The following BANK1 variants were observed in gnomAD, a reference collection of about 807,000 sequenced individuals.
The protein encoded by BANK1 is B-cell scaffold protein with ankyrin repeats.
In BANK1, 95 loss-of-function variants were observed where a neutral mutation model predicts 94.5. That is an observed-to-expected ratio of 1.00 (90% CI 0.85 to 1.19). BANK1 has a LOEUF of 1.19. BANK1 is among the 50% of genes most tolerant of loss of function. The probability of loss-of-function intolerance (pLI) is 0.00; values close to 1 mark genes in which losing one functional copy is unlikely to be tolerated. For synonymous variants in BANK1, 334 were observed against 308.4 expected (o/e 1.08, Z -0.87); for missense variants, 987 against 932.2 (o/e 1.06, Z -0.77).
At chr4:101,893,719 A>C (rs1238224595) in intron 5 of BANK1, among the ~76,000 whole-genome samples, 1 of 152,060 alleles carries the variant, frequency 6.6e-6, no homozygotes, top group Non-Finnish European at 1.5e-5. Flanking sequence ...GATAGGTTCC[A>C]CTGAATATAA....
chr4:101,874,274 G>A (rs1215051428), intron 5 of BANK1, among the ~76,000 whole-genome samples: 1 of 152,094 alleles, frequency 6.6e-6, no homozygotes, highest in African/African-American at 2.4e-5. Context: ...TACGGACTTA[G>A]GGAACTCTCA....
At chr4:101,842,171 A>G (rs1364020764) in intron 2 of BANK1, among the ~76,000 whole-genome samples, 1 of 152,220 alleles carries the variant, frequency 6.6e-6, no homozygotes, top group East Asian at 1.9e-4. Flanking sequence ...TTTGTGCAAG[A>G]CCTATGGTCC....
intron 10 of BANK1, among the ~76,000 whole-genome samples, chr4:102,039,107 A>C (rs746328494): frequency 1.3e-5 from 2 of 152,142 alleles, no homozygotes; most frequent in Non-Finnish European, 2.9e-5. Context: ...TCTTAAAAAA[A>C]TAATGCCACA....
At chr4:102,063,917 A>G (rs1728508475) in intron 13 of BANK1, among the ~76,000 whole-genome samples, 1 of 152,154 alleles carries the variant, frequency 6.6e-6, no homozygotes, top group Non-Finnish European at 1.5e-5. Flanking sequence ...CAACATGTGT[A>G]TCATTTTAAA....
At position 101,862,543 on chromosome 4, in the gene BANK1, C is replaced by A; in HGVS notation, c.642C>A (p.Phe214Leu). Reference sequence around the variant, plus strand: ...TCTTACAGAATCCTGGTGAAATATTCATAATTTTGAGAGATGAAGTAATTG... The same window carrying A: ...TCTTACAGAATCCTGGTGAAATATTAATAATTTTGAGAGATGAAGTAATTG... Reference protein sequence around the residue: ...EIPCENPGEIFIILRDEVIGD... With the variant: ...EIPCENPGEILIILRDEVIGD... Residue 214 changes from phenylalanine to leucine, a missense_variant, in exon 4 of 17, where the codon TTC (phenylalanine) becomes TTA (leucine). Coordinates refer to ENST00000322953, the MANE Select transcript of BANK1 (RefSeq NM_017935.5). 1 of 1,602,344 alleles carries A rather than the reference C, an allele frequency of 6.2e-7. No homozygotes were observed. The highest frequency in any genetic ancestry group is 8.5e-7 in the Non-Finnish European group (1 of 1,175,500).
chr4:101,994,456 G>C (rs970602980), intron 7 of BANK1, among the ~76,000 whole-genome samples: 1 of 152,136 alleles, frequency 6.6e-6, no homozygotes, highest in African/African-American at 2.4e-5. Context: ...TTCACCATCT[G>C]TCTAATGTTA....
intron 11 of BANK1, among the ~76,000 whole-genome samples, chr4:102,046,264 C>T (rs1727875248): frequency 6.6e-6 from 1 of 152,050 alleles, no homozygotes; most frequent in Non-Finnish European, 1.5e-5. Context: ...AACTGGATCC[C>T]TTCCTTATAC....
chr4:101,831,017 A>G (rs973157307), intron 2 of BANK1, among the ~76,000 whole-genome samples: 2 of 152,156 alleles, frequency 1.3e-5, no homozygotes, highest in African/African-American at 4.8e-5. Flanking sequence ...CCTCTTCTCT[A>G]AGATCATAGC....
intron 2 of BANK1, among the ~76,000 whole-genome samples, chr4:101,842,501 A>G (rs534203891): frequency 6.6e-6 from 1 of 152,344 alleles, no homozygotes; most frequent in Admixed American, 6.5e-5. Flanking sequence ...GGAGGCAACT[A>G]GAAAATAACA....
intron 3 of BANK1, among the ~76,000 whole-genome samples, chr4:101,862,080 A>G: frequency 6.6e-6 from 1 of 152,104 alleles, no homozygotes; most frequent in Non-Finnish European, 1.5e-5. Flanking sequence ...GAGATCTTAA[A>G]CTTTTTCAAT....
chr4:102,025,312 T>G lies in BANK1; in HGVS notation c.1397T>G (p.Met466Arg). ...GAAGGAAAACAGAATGGATCAGGCA[T>G]GGAGACCAAACACAGCCCACTAGAG... ...EGEGKQNGSG[M>R]ETKHSPLEVG... The change falls in exon 9 of 17, where the codon ATG becomes AGG. Residue 466 changes from methionine (M) to arginine (R), a missense_variant. Coordinates refer to ENST00000322953, the MANE Select transcript of BANK1 (RefSeq NM_017935.5). The G allele has an allele frequency of 6.2e-7, 1 of 1,614,082 alleles. No homozygotes were observed. The highest frequency in any genetic ancestry group is 1.1e-5 in the South Asian group (1 of 91,086).
At chr4:101,938,888 C>T (rs1723656334) in intron 7 of BANK1, among the ~76,000 whole-genome samples, 1 of 151,644 alleles carries the variant, frequency 6.6e-6, no homozygotes, top group South Asian at 2.1e-4. Flanking sequence ...CTCATCTCTC[C>T]CTATCTCAGG....
At chr4:102,039,018 C>G (rs1276577060) in intron 10 of BANK1, among the ~76,000 whole-genome samples, 1 of 152,134 alleles carries the variant, frequency 6.6e-6, no homozygotes. Context: ...TTCCACCTTT[C>G]CATCTCTGCT....
intron 7 of BANK1, among the ~76,000 whole-genome samples, chr4:101,978,097 G>A (rs1379613535): frequency 6.6e-6 from 1 of 151,344 alleles, no homozygotes; most frequent in African/African-American, 2.4e-5. Context: ...CCGTGTAGCT[G>A]GGAGTATTTT....
At chr4:101,998,708 T>G (rs1482122547) in intron 7 of BANK1, among the ~76,000 whole-genome samples, 2 of 152,190 alleles carry the variant, frequency 1.3e-5, no homozygotes, top group Non-Finnish European at 2.9e-5. Context: ...CTAAAGTCCA[T>G]TTTATCAGAG....
intron 1 of BANK1, among the ~76,000 whole-genome samples, chr4:101,825,996 G>A (rs1481209005): frequency 6.6e-6 from 1 of 151,940 alleles, no homozygotes; most frequent in Non-Finnish European, 1.5e-5. Flanking sequence ...AATAACGTGG[G>A]AGTATTTATT....
At chr4:101,957,984 A>G (rs755730169) in intron 7 of BANK1, among the ~76,000 whole-genome samples, 2 of 151,694 alleles carry the variant, frequency 1.3e-5, no homozygotes, top group African/African-American at 2.4e-5. Flanking sequence ...AGCTGGGACT[A>G]TAGGTGCCTG....
intron 7 of BANK1, among the ~76,000 whole-genome samples, chr4:101,975,639 A>G (rs1725098469): frequency 6.6e-6 from 1 of 152,204 alleles, no homozygotes; most frequent in Non-Finnish European, 1.5e-5. Flanking sequence ...GAGTTAATGC[A>G]TTAAAAGTGG....
At chr4:101,908,825 A>C (rs1722558255) in intron 6 of BANK1, among the ~76,000 whole-genome samples, 1 of 152,262 alleles carries the variant, frequency 6.6e-6, no homozygotes, top group Non-Finnish European at 1.5e-5. Flanking sequence ...ATCACTGGCC[A>C]TCAGAGAAAT....
Sources: gnomAD v4.1 joint callset for allele counts (sites outside exome capture counted in the v4.1 genomes callset) on GRCh38, gnomAD v4.1.1 for gene constraint, MANE v1.5 for transcripts, NCBI Gene and HGNC (gene_info 2026-07-23, HGNC 2026-07-21) for gene names.